The following TANC2 variants were observed in gnomAD, a reference collection of about 807,000 sequenced individuals.
TANC2 encodes tetratricopeptide repeat, ankyrin repeat and coiled-coil containing 2, also known as protein TANC2.
TANC2 carries 26 observed loss-of-function variants against 210.5 expected under a neutral mutation model. That is an observed-to-expected ratio of 0.12 (90% confidence interval 0.09 to 0.17). The LOEUF (loss-of-function observed/expected upper bound fraction) is 0.17. TANC2 is among the 10% of genes least tolerant of loss of function. The probability of loss-of-function intolerance (pLI) is 1.00; values close to 1 mark genes in which losing one functional copy is unlikely to be tolerated. For missense variants in TANC2, 2,129 were observed against 2,608.9 expected (o/e 0.82, Z 4.01); for synonymous variants, 931 against 967.1 (o/e 0.96, Z 0.69).
At chr17:63,042,696 CATT>C (rs1385613002) in intron 2 of TANC2, among the ~76,000 whole-genome samples, 1 of 152,098 alleles carries the variant, frequency 6.6e-6, no homozygotes, top group Non-Finnish European at 1.5e-5. Context: ...ATTTAGCCAT[CATT>C]GTCTTTGTAA....
At chr17:63,127,835 GAGA>G (rs1361185891) in intron 4 of TANC2, among the ~76,000 whole-genome samples, 2 of 152,152 alleles carry the variant, frequency 1.3e-5, no homozygotes, top group African/African-American at 4.8e-5. Flanking sequence ...CCAGTTAGAA[GAGA>G]AGATTTCTTA....
chr17:63,239,455 G>C (rs1598677576), intron 8 of TANC2, among the ~76,000 whole-genome samples: 2 of 152,192 alleles, frequency 1.3e-5, no homozygotes, highest in East Asian at 3.8e-4. Context: ...GTAGCTGATA[G>C]TGTAATGCTT....
chr17:63,170,324 A>G (rs2040360795), intron 5 of TANC2, among the ~76,000 whole-genome samples: 1 of 150,544 alleles, frequency 6.6e-6, no homozygotes, highest in Middle Eastern at 3.5e-3. Flanking sequence ...AGTCCCAGCT[A>G]CTCGGGAGGC....
chr17:63,157,788 C>T (rs572176902), intron 5 of TANC2, among the ~76,000 whole-genome samples: 1 of 151,938 alleles, frequency 6.6e-6, no homozygotes, highest in Non-Finnish European at 1.5e-5. Context: ...CATACTGTGC[C>T]ACCCAGGCTG....
intron 15 of TANC2, among the ~76,000 whole-genome samples, chr17:63,385,718 T>G (rs1378646546): frequency 2.0e-5 from 3 of 152,162 alleles, no homozygotes; most frequent in African/African-American, 7.2e-5. Context: ...GGTACTATAG[T>G]AGACAGATTC....
intron 1 of TANC2, among the ~76,000 whole-genome samples, chr17:63,000,129 CT>C (rs1568306921): frequency 6.6e-6 from 1 of 152,148 alleles, no homozygotes; most frequent in Non-Finnish European, 1.5e-5. Context: ...CTATTAGATA[CT>C]GTGTTTATTA....
At chr17:63,343,429 A>G (rs2046303882) in intron 12 of TANC2, among the ~76,000 whole-genome samples, 2 of 152,248 alleles carry the variant, frequency 1.3e-5, no homozygotes, top group Admixed American at 1.3e-4. Flanking sequence ...TTCCAAATTC[A>G]TGAATCAAAA....
Position 63,388,816 on chromosome 17 carries a change from A to T in TANC2, c.2814+59A>T, listed in dbSNP as rs1171011662. On this transcript the variant is annotated intron_variant, in intron 16 of 27. Coordinates refer to ENST00000689528, the Ensembl canonical transcript of TANC2. ...GAATTAACTATGAAAAAATAAAACT[A>T]GAAGGACATTAAGTAGCTATTTAGT... 5 of 1,331,658 alleles carry T rather than the reference A, an allele frequency of 3.8e-6. No homozygotes were observed. In the East Asian group the frequency reaches 8.0e-5, roughly 21 times the overall value. The allele number at this position is 1,331,658 out of a possible 1,614,324, so 82.5% of individuals were successfully genotyped here. A position where few individuals can be genotyped will look rare whatever the true frequency, so the allele number is the denominator to read the frequency against.
chr17:63,095,773 T>G (rs2037365014), intron 3 of TANC2, among the ~76,000 whole-genome samples: 1 of 152,208 alleles, frequency 6.6e-6, no homozygotes, highest in Non-Finnish European at 1.5e-5. Context: ...TCAAATTCTC[T>G]GCTCACCAGT....
chr17:63,335,152 A>G (rs999164717), intron 11 of TANC2, among the ~76,000 whole-genome samples: 7 of 152,220 alleles, frequency 4.6e-5, no homozygotes, highest in African/African-American at 1.7e-4. Context: ...CTCTACCACC[A>G]GTAGAAAAAC....
chr17:63,090,135 A>G (rs1387165634), intron 3 of TANC2, among the ~76,000 whole-genome samples: 5 of 151,822 alleles, frequency 3.3e-5, no homozygotes, highest in Admixed American at 1.3e-4. Flanking sequence ...TTCTAATACT[A>G]TAGTATTTCC....
In TANC2 at chr17:63,420,983, C is replaced by A; in HGVS notation, c.5253C>A (p.Ile1751=). The stretch of plus-strand genomic sequence containing the variant: ...TTTATCAAGGGTCAATTGGGGGAAT[C>A]GTAGGGGATGGAAGGCCGGTGCAGC... Residue 1751 remains isoleucine, a synonymous_variant, in exon 28 of 28, where the codon ATC becomes ATA. Transcript: ENST00000689528. The surrounding 1 kb of genome is among the most constrained non-coding windows in gnomAD (Gnocchi z 4.2). 1 of 1,613,970 alleles carries A rather than the reference C, an allele frequency of 6.2e-7. No homozygotes were observed. The highest frequency in any genetic ancestry group is 8.5e-7 in the Non-Finnish European group (1 of 1,179,888).
intron 4 of TANC2, among the ~76,000 whole-genome samples, chr17:63,140,809 C>A (rs1344879397): frequency 6.6e-6 from 1 of 152,094 alleles, no homozygotes; most frequent in African/African-American, 2.4e-5. Flanking sequence ...TGTAGAGGCA[C>A]CATCTTGGCT....
chr17:63,183,741 G>A (rs2145672271), intron 5 of TANC2, among the ~76,000 whole-genome samples: 1 of 152,302 alleles, frequency 6.6e-6, no homozygotes, highest in Admixed American at 6.5e-5. Flanking sequence ...ATGCAGGCTG[G>A]GCGCGGTGGC....
At chr17:63,270,638 T>C (rs896819094) in intron 9 of TANC2, among the ~76,000 whole-genome samples, 3 of 152,170 alleles carry the variant, frequency 2.0e-5, no homozygotes, top group Non-Finnish European at 4.4e-5. Flanking sequence ...TCATACATTT[T>C]AAAGGAGTAC....
chr17:63,221,304 G>A (rs938668229), intron 7 of TANC2, among the ~76,000 whole-genome samples: 3 of 151,824 alleles, frequency 2.0e-5, no homozygotes, highest in Non-Finnish European at 4.4e-5. Context: ...CGTGGTGGTG[G>A]TGGTGGTGTG....
intron 15 of TANC2, among the ~76,000 whole-genome samples, chr17:63,383,871 C>G (rs961881587): frequency 2.6e-5 from 4 of 152,096 alleles, no homozygotes; most frequent in Non-Finnish European, 4.4e-5. Flanking sequence ...CCAGGTAATT[C>G]TAATGTGCAC....
Position 63,418,461 on chromosome 17 carries a change from C to T in TANC2, c.4268+54C>T. 1.4e-5 allele frequency: 21 copies of T among 1,547,736 alleles called. 1 individual carries two copies. The highest frequency in any genetic ancestry group is 1.8e-5 in the Non-Finnish European group (21 of 1,139,780). ...AGAGGTCTCTTTTCTGAAAATTTGG[C>T]CAAGGCAGCGTCGGCCACCCTGGGG... On this transcript the variant is annotated intron_variant, in intron 27 of 27. Coordinates refer to ENST00000689528, the Ensembl canonical transcript of TANC2. This position sits in a 1 kb window ranked among gnomAD's most constrained non-coding sequence, Gnocchi z 4.6.
At chr17:62,985,905 G>A (rs2032542816) in intron 1 of TANC2, among the ~76,000 whole-genome samples, 1 of 152,072 alleles carries the variant, frequency 6.6e-6, no homozygotes, top group South Asian at 2.1e-4. Flanking sequence ...TTCTTTGGAG[G>A]CATCATATTT....
Sources: allele counts gnomAD v4.1 joint callset (sites outside exome capture counted in the v4.1 genomes callset), GRCh38; gene constraint gnomAD v4.1.1; non-coding constraint Gnocchi (gnomAD v3.1); transcripts MANE v1.5; gene names NCBI Gene and HGNC (gene_info 2026-07-23, HGNC 2026-07-21).